NLGN1: variants seen among roughly 807,000 people sequenced by gnomAD.
The protein encoded by NLGN1 is neuroligin-1.
A neutral mutation model predicts 65.5 loss-of-function variants in NLGN1; 12 were observed. The observed-to-expected ratio is 0.18, with a 90% CI of 0.12 to 0.30. The LOEUF is 0.30. NLGN1 is among the 10% of genes least tolerant of loss of function. The pLI is 1.00. For synonymous variants in NLGN1, 350 were observed against 359.5 expected (o/e 0.97, Z 0.30); for missense variants, 750 against 1,007.1 (o/e 0.74, Z 3.46).
chr3:174,287,708 C>A (rs1025996778), downstream of NLGN1, among the ~76,000 whole-genome samples: 1 of 151,544 alleles, frequency 6.6e-6, no homozygotes, highest in Non-Finnish European at 1.5e-5. Flanking sequence ...AAATACTCAA[C>A]TTTGCTCTCA....
At chr3:173,519,707 A>ATTTT (rs56083885) in intron 2 of NLGN1, among the ~76,000 whole-genome samples, 2 of 142,636 alleles carry the variant, frequency 1.4e-5, no homozygotes. Context: ...GGAGGTAACT[A>ATTTT]TTTTTTTTTT....
chr3:174,286,417 C>T (rs1448620564), exon 7 of NLGN1: 2 of 151,350 alleles, frequency 1.3e-5, no homozygotes, highest in African/African-American at 2.4e-5. Flanking sequence ...TTTTTGAATG[C>T]CATTTTCAGA....
intron 4 of NLGN1, among the ~76,000 whole-genome samples, chr3:173,988,689 TC>T (rs1015178328): frequency 2.0e-5 from 3 of 152,170 alleles, no homozygotes; most frequent in African/African-American, 7.2e-5. Flanking sequence ...CTTTTTTTGC[TC>T]CCTGCTTAAC....
chr3:173,711,114 G>A (rs1194798825), intron 3 of NLGN1, among the ~76,000 whole-genome samples: 1 of 152,222 alleles, frequency 6.6e-6, no homozygotes. Context: ...AAACAGAAAA[G>A]ACATAAAATC....
chr3:173,800,538 T>C (rs1268728580), intron 3 of NLGN1, among the ~76,000 whole-genome samples: 2 of 151,890 alleles, frequency 1.3e-5, no homozygotes, highest in East Asian at 3.9e-4. Context: ...AAAATTAATA[T>C]TAAGTTTTAC....
chr3:174,251,781 C>G (rs2152843377), intron 4 of NLGN1, among the ~76,000 whole-genome samples: 1 of 152,238 alleles, frequency 6.6e-6, no homozygotes, highest in Non-Finnish European at 1.5e-5. Flanking sequence ...AAGTTGGAGA[C>G]TAGTTCCATG....
intron 4 of NLGN1, among the ~76,000 whole-genome samples, chr3:173,894,901 T>G (rs1163395448): frequency 6.8e-6 from 1 of 146,824 alleles, no homozygotes; most frequent in African/African-American, 2.5e-5. Flanking sequence ...CCTCCCAAAG[T>G]GCTGGGATTA....
chr3:173,480,493 A>G (rs1301454733), intron 2 of NLGN1, among the ~76,000 whole-genome samples: 1 of 152,154 alleles, frequency 6.6e-6, no homozygotes, highest in South Asian at 2.1e-4. Context: ...TGGAGAATAT[A>G]AAAAGAGGAA....
intron 3 of NLGN1, among the ~76,000 whole-genome samples, chr3:173,630,997 G>A (rs913443801): frequency 7.9e-5 from 12 of 152,120 alleles, no homozygotes; most frequent in Non-Finnish European, 1.3e-4. Flanking sequence ...AGAAGAGAGC[G>A]AGAAGGCAAG....
chr3:173,437,184 C>A (rs1410237975), intron 2 of NLGN1, among the ~76,000 whole-genome samples: 1 of 152,198 alleles, frequency 6.6e-6, no homozygotes, highest in Non-Finnish European at 1.5e-5. Context: ...AGTACCTATA[C>A]TTGGAATAAT....
chr3:173,763,621 CAG>C (rs1372518696), intron 3 of NLGN1, among the ~76,000 whole-genome samples: 1 of 152,028 alleles, frequency 6.6e-6, no homozygotes, highest in East Asian at 1.9e-4. Context: ...GTATAACTAA[CAG>C]AGTTTGAGAT....
chr3:173,454,182 C>T (rs987320747), intron 2 of NLGN1, among the ~76,000 whole-genome samples: 1 of 152,044 alleles, frequency 6.6e-6, no homozygotes, highest in African/African-American at 2.4e-5. Flanking sequence ...TTAAAATATT[C>T]AGTAATCCAT....
At chr3:173,902,313 C>T (rs1240806106) in intron 4 of NLGN1, among the ~76,000 whole-genome samples, 1 of 152,106 alleles carries the variant, frequency 6.6e-6, no homozygotes, top group Non-Finnish European at 1.5e-5. Context: ...GGAATACACA[C>T]ATGACTGGCC....
intron 4 of NLGN1, among the ~76,000 whole-genome samples, chr3:174,112,837 T>G (rs1715538604): frequency 6.6e-6 from 1 of 151,930 alleles, no homozygotes. Context: ...GTGATTAGTA[T>G]ATAGTAAGTA....
intron 4 of NLGN1, among the ~76,000 whole-genome samples, chr3:173,847,104 A>T (rs1473638611): frequency 6.6e-6 from 1 of 152,204 alleles, no homozygotes; most frequent in Non-Finnish European, 1.5e-5. Context: ...AAAGTATATA[A>T]AAGATGCCTC....
At chr3:173,825,597 C>T (rs184309344) in intron 4 of NLGN1, among the ~76,000 whole-genome samples, 98 of 152,082 alleles carry the variant, frequency 6.4e-4, no homozygotes, top group Non-Finnish European at 1.2e-3. Flanking sequence ...TAGTTCCCAA[C>T]GAAATTAGTG....
At chr3:173,860,528 TA>T (rs1728849425) in intron 4 of NLGN1, among the ~76,000 whole-genome samples, 1 of 152,178 alleles carries the variant, frequency 6.6e-6, no homozygotes. Context: ...CTAAGATTAA[TA>T]AATCAAGATG....
At chr3:174,000,411 T>C (rs1723052503) in intron 4 of NLGN1, among the ~76,000 whole-genome samples, 1 of 152,040 alleles carries the variant, frequency 6.6e-6, no homozygotes, top group African/African-American at 2.4e-5. Flanking sequence ...GCATAAACAA[T>C]GTCAGGAATA....
chr3:174,163,555 A>G (rs1726959981), intron 4 of NLGN1, among the ~76,000 whole-genome samples: 1 of 151,986 alleles, frequency 6.6e-6, no homozygotes, highest in Non-Finnish European at 1.5e-5. Context: ...CATAGTACCC[A>G]ACAGTTTTTC....
Sources: allele counts gnomAD v4.1 joint callset (sites outside exome capture counted in the v4.1 genomes callset), GRCh38; gene constraint gnomAD v4.1.1; transcripts MANE v1.5; gene names NCBI Gene and HGNC (gene_info 2026-07-23, HGNC 2026-07-21).